HCN1: variants seen among roughly 807,000 people sequenced by gnomAD.
The protein encoded by HCN1 is hyperpolarization activated cyclic nucleotide gated potassium channel 1, also known as potassium/sodium hyperpolarization-activated cyclic nucleotide-gated channel 1.
HCN1 carries 13 observed loss-of-function variants against 78.9 expected under a neutral mutation model. That is an observed-to-expected ratio of 0.16 (90% CI 0.11 to 0.26). HCN1 has a LOEUF of 0.26. HCN1 is among the 10% of genes least tolerant of loss of function. The pLI is 1.00. For missense variants in HCN1, 810 were observed against 1,154.3 expected, an observed-to-expected ratio of 0.70 and a Z score of 4.32; for synonymous variants, 552 against 455.5, an observed-to-expected ratio of 1.21 and a Z score of -2.70.
At chr5:45,427,717 T>TTTTATTTG (rs1740380244) in intron 3 of HCN1, among the ~76,000 whole-genome samples, 1 of 152,138 alleles carries the variant, frequency 6.6e-6, no homozygotes, top group African/African-American at 2.4e-5. Context: ...ACTAAATTGC[T>TTTTATTTG]TTTATTTGTT....
chr5:45,655,820 GCCTT>G (rs1327941802), intron 1 of HCN1, among the ~76,000 whole-genome samples: 1 of 152,086 alleles, frequency 6.6e-6, no homozygotes, highest in African/African-American at 2.4e-5. Flanking sequence ...AATTATTTCT[GCCTT>G]AGCCCACAAA....
intron 2 of HCN1, among the ~76,000 whole-genome samples, chr5:45,545,231 G>T (rs1157062296): frequency 2.0e-5 from 3 of 152,118 alleles, no homozygotes; most frequent in Non-Finnish European, 2.9e-5. Context: ...GTGTCTGTTG[G>T]CTGCATAAAT....
intron 4 of HCN1, among the ~76,000 whole-genome samples, chr5:45,388,816 G>C (rs1747979986): frequency 2.6e-5 from 4 of 152,094 alleles, no homozygotes; most frequent in Admixed American, 1.3e-4. Context: ...TCTTACAGAA[G>C]TTTAGTATTT....
At chr5:45,389,434 AT>A (rs915734330) in intron 4 of HCN1, among the ~76,000 whole-genome samples, 14 of 152,172 alleles carry the variant, frequency 9.2e-5, no homozygotes, top group Admixed American at 7.9e-4. Context: ...TCCTAAAAAA[AT>A]AATGTAGTGC....
intron 2 of HCN1, among the ~76,000 whole-genome samples, chr5:45,582,796 G>C (rs1403588542): frequency 6.6e-6 from 1 of 152,064 alleles, no homozygotes; most frequent in Non-Finnish European, 1.5e-5. Flanking sequence ...TTTTGTCTTT[G>C]GTTCTGTTTA....
At chr5:45,409,162 A>G (rs1449840029) in intron 3 of HCN1, among the ~76,000 whole-genome samples, 7 of 152,082 alleles carry the variant, frequency 4.6e-5, no homozygotes. Context: ...AAAGGCTGCT[A>G]TATTAACAAG....
chr5:45,518,740 A>G (rs1742560156), intron 2 of HCN1, among the ~76,000 whole-genome samples: 1 of 152,048 alleles, frequency 6.6e-6, no homozygotes, highest in African/African-American at 2.4e-5. Flanking sequence ...ATACAGTTAG[A>G]TAATGAAGTT....
intron 2 of HCN1, among the ~76,000 whole-genome samples, chr5:45,545,071 TA>T (rs549157120): frequency 6.6e-6 from 1 of 152,260 alleles, no homozygotes; most frequent in East Asian, 1.9e-4. Flanking sequence ...ACCAACAGTG[TA>T]AAAGTGTTCC....
intron 3 of HCN1, among the ~76,000 whole-genome samples, chr5:45,414,585 T>C (rs1740085370): frequency 6.6e-6 from 1 of 151,972 alleles, no homozygotes; most frequent in African/African-American, 2.4e-5. Flanking sequence ...ACTGGGTGGG[T>C]CCAGAGCTTC....
chr5:45,546,904 C>A (rs1743242346), intron 2 of HCN1, among the ~76,000 whole-genome samples: 2 of 151,798 alleles, frequency 1.3e-5, no homozygotes, highest in African/African-American at 4.8e-5. Context: ...TTATATTGAA[C>A]CAAAATCCTC....
intron 2 of HCN1, among the ~76,000 whole-genome samples, chr5:45,484,613 C>T (rs1033039213): frequency 1.1e-4 from 16 of 151,972 alleles, no homozygotes; most frequent in Admixed American, 9.2e-4. Flanking sequence ...AAACTTGATG[C>T]CTCCACAGTC....
At chr5:45,536,318 A>G (rs1742968960) in intron 2 of HCN1, among the ~76,000 whole-genome samples, 1 of 152,080 alleles carries the variant, frequency 6.6e-6, no homozygotes, top group African/African-American at 2.4e-5. Flanking sequence ...TAGAATTCCA[A>G]TTACATTATG....
At chr5:45,570,966 A>G (rs1743814938) in intron 2 of HCN1, among the ~76,000 whole-genome samples, 1 of 152,184 alleles carries the variant, frequency 6.6e-6, no homozygotes, top group Non-Finnish European at 1.5e-5. Context: ...TATGAGGATT[A>G]TGGACAATAT....
intron 2 of HCN1, among the ~76,000 whole-genome samples, chr5:45,638,090 AAGT>A (rs765928450): frequency 1.3e-5 from 2 of 152,154 alleles, no homozygotes; most frequent in Non-Finnish European, 2.9e-5. Flanking sequence ...CACAATTGGG[AAGT>A]AGTAGAATCA....
At chr5:45,305,530 A>G (rs1201761665) in intron 5 of HCN1, among the ~76,000 whole-genome samples, 1 of 152,150 alleles carries the variant, frequency 6.6e-6, no homozygotes, top group African/African-American at 2.4e-5. Flanking sequence ...TACACACTTG[A>G]GTCCACGATT....
At chr5:45,265,725 T>A (rs1341470023) in intron 7 of HCN1, among the ~76,000 whole-genome samples, 1 of 152,208 alleles carries the variant, frequency 6.6e-6, no homozygotes, top group African/African-American at 2.4e-5. Context: ...CCCAGCCCCA[T>A]CTTTTTTGAG....
At chr5:45,339,775 T>G (rs139155729) in intron 5 of HCN1, among the ~76,000 whole-genome samples, 89 of 152,316 alleles carry the variant, frequency 5.8e-4, no homozygotes, top group Admixed American at 1.8e-3. Context: ...AGTCACAATT[T>G]AGCAATTGAA....
intron 5 of HCN1, among the ~76,000 whole-genome samples, chr5:45,305,759 AAGGG>A (rs1352133425): frequency 1.3e-5 from 2 of 149,094 alleles, no homozygotes; most frequent in African/African-American, 2.5e-5. Flanking sequence ...GAAACAGAAG[AAGGG>A]AGGGAGGAAG....
At chr5:45,544,898 C>T (rs564774621) in intron 2 of HCN1, among the ~76,000 whole-genome samples, 8 of 152,104 alleles carry the variant, frequency 5.3e-5, no homozygotes, top group South Asian at 4.1e-4. Context: ...TGAATAGTGC[C>T]GCAATAAACA....
Sources: gnomAD v4.1 joint callset for allele counts (sites outside exome capture counted in the v4.1 genomes callset) on GRCh38, gnomAD v4.1.1 for gene constraint, MANE v1.5 for transcripts, NCBI Gene and HGNC (gene_info 2026-07-23, HGNC 2026-07-21) for gene names.